Variants in FAAH2 observed in about 807,000 individuals in gnomAD.
The protein encoded by FAAH2 is fatty-acid amide hydrolase 2.
In FAAH2, 60 loss-of-function variants were observed where a neutral mutation model predicts 36.9. The observed-to-expected ratio is 1.63, with a 90% confidence interval of 1.32 to 2.02. FAAH2 has a LOEUF of 2.02. FAAH2 is among the 30% of genes most tolerant of loss of function. FAAH2 has a pLI of 0.00. For synonymous variants in FAAH2, 214 were observed against 143.8 expected (o/e 1.49, Z -3.49); for missense variants, 689 against 397.5 (o/e 1.73, Z -6.23).
the FAAH2 span, chrX:57,134,723 C>T: frequency 2.7e-5 from 3 of 111,798 alleles, no homozygotes; most frequent in Non-Finnish European, 3.8e-5. Context: ...CTAACCCATC[C>T]TCTACCAAGA....
the FAAH2 span, among the ~76,000 whole-genome samples, chrX:57,257,265 C>G: frequency 1.8e-5 from 2 of 111,908 alleles, no homozygotes; most frequent in Admixed American, 1.9e-4. Flanking sequence ...TGGTACTATT[C>G]AGAAGAGCAA....
chrX:57,423,082 G>A (rs1008351714), intron 7 of FAAH2, among the ~76,000 whole-genome samples: 4 of 111,639 alleles, frequency 3.6e-5, no homozygotes, highest in Non-Finnish European at 5.6e-5. Context: ...CCAAGCACAG[G>A]ATCTGACTTG....
At chrX:57,308,633 A>G (rs920882980) in intron 2 of FAAH2, among the ~76,000 whole-genome samples, 9 of 111,925 alleles carry the variant, frequency 8.0e-5, no homozygotes, top group Admixed American at 7.6e-4. Flanking sequence ...CAATATTTAA[A>G]GTACTGCCCA....
At chrX:57,189,574 G>A in the FAAH2 span, among the ~76,000 whole-genome samples, 1 of 110,281 alleles carries the variant, frequency 9.1e-6, no homozygotes. Context: ...GTTTCTGTGT[G>A]GGGGTCCTTT....
chrX:57,195,902 G>A, the FAAH2 span, among the ~76,000 whole-genome samples: 1 of 112,205 alleles, frequency 8.9e-6, no homozygotes, highest in African/African-American at 3.2e-5. Flanking sequence ...TTGAAGATCA[G>A]TTGGCTGTAA....
chrX:57,158,902 G>A, the FAAH2 span, among the ~76,000 whole-genome samples: 19 of 112,128 alleles, frequency 1.7e-4, no homozygotes, highest in African/African-American at 5.5e-4. Context: ...TGGCGTTTTA[G>A]ACATGAAGTC....
intron 7 of FAAH2, among the ~76,000 whole-genome samples, chrX:57,382,379 A>G (rs2080087890): frequency 9.0e-6 from 1 of 111,644 alleles, no homozygotes; most frequent in Non-Finnish European, 1.9e-5. Flanking sequence ...AAATCAATGA[A>G]TCCAGATGCT....
chrX:57,220,674 C>T, the FAAH2 span, among the ~76,000 whole-genome samples: 716 of 112,296 alleles, frequency 6.4e-3, 5 homozygotes, highest in African/African-American at 0.022. Flanking sequence ...GCCGCAGCTC[C>T]ACACAGAAGC....
chrX:57,359,319 G>A (rs1339970986), intron 5 of FAAH2, among the ~76,000 whole-genome samples: 4 of 110,891 alleles, frequency 3.6e-5, no homozygotes, highest in Non-Finnish European at 7.6e-5. Flanking sequence ...CATATGTTTA[G>A]GTATGTTGTA....
the FAAH2 span, among the ~76,000 whole-genome samples, chrX:57,257,969 T>A: frequency 1.1e-3 from 122 of 111,794 alleles, no homozygotes; most frequent in Non-Finnish European, 2.0e-3. Context: ...TAGAAAAAAA[T>A]TAAACCTCAA....
At chrX:57,475,558 G>C (rs776590515) in intron 10 of FAAH2, among the ~76,000 whole-genome samples, 1 of 111,523 alleles carries the variant, frequency 9.0e-6, no homozygotes, top group African/African-American at 3.3e-5. Context: ...CTATATATCT[G>C]TTTTGATACC....
At chrX:57,384,762 T>A (rs888147188) in intron 7 of FAAH2, among the ~76,000 whole-genome samples, 1 of 111,793 alleles carries the variant, frequency 8.9e-6, no homozygotes, top group African/African-American at 3.3e-5. Flanking sequence ...TGGAAGTTAG[T>A]GTGGGGATTC....
chrX:57,488,875 T>C lies in FAAH2; in HGVS notation c.1542T>C (p.Ala514=). ...CCTTTAATGATCATCTGACCCTGGCTGTGGCCCAGTACTTGGAGAAAACTT... is the reference window on the plus strand; with the variant it reads ...CCTTTAATGATCATCTGACCCTGGCCGTGGCCCAGTACTTGGAGAAAACTT... ...AGPFNDHLTL[A]VAQYLEKTFG... The change falls in exon 11 of 11, where the codon GCT becomes GCC. Residue 514 remains alanine (A), a synonymous_variant. Transcript: ENST00000374900. 8.3e-7 allele frequency: 1 copy of C among 1,210,991 alleles called. No individual in the cohort carries two copies. Among genetic ancestry groups the C allele is most frequent in the East Asian group, 3.0e-5 (1 of 33,760 alleles).
At chrX:57,436,650 G>A (rs1402916951) in intron 8 of FAAH2, among the ~76,000 whole-genome samples, 1 of 110,893 alleles carries the variant, frequency 9.0e-6, no homozygotes, top group Non-Finnish European at 1.9e-5. Context: ...AGAAAACCTA[G>A]AGGAAATAAA....
the FAAH2 span, among the ~76,000 whole-genome samples, chrX:57,208,951 G>C: frequency 8.9e-6 from 1 of 111,882 alleles, no homozygotes. Flanking sequence ...TTCAGCGTGG[G>C]TGTCATGGCC....
intron 5 of FAAH2, among the ~76,000 whole-genome samples, chrX:57,344,354 T>G (rs1220397892): frequency 9.0e-6 from 1 of 111,060 alleles, no homozygotes; most frequent in Admixed American, 9.6e-5. Context: ...GATATTGTAG[T>G]TTTGGTGTGG....
chrX:57,460,245 C>T (rs895077146), intron 10 of FAAH2, among the ~76,000 whole-genome samples: 3 of 111,344 alleles, frequency 2.7e-5, no homozygotes, highest in African/African-American at 9.8e-5. Flanking sequence ...CAGGATATTA[C>T]CCAGGAAAAC....
chrX:57,281,362 TTG>T, the FAAH2 span, among the ~76,000 whole-genome samples: 3 of 111,835 alleles, frequency 2.7e-5, no homozygotes, highest in Non-Finnish European at 3.8e-5. Context: ...TACTTACCTA[TTG>T]TGTTACACTT....
At chrX:57,190,416 C>T in the FAAH2 span, among the ~76,000 whole-genome samples, 5 of 98,878 alleles carry the variant, frequency 5.1e-5, no homozygotes, top group African/African-American at 1.9e-4. Context: ...AGTTTTGTCT[C>T]GCTTGGGTTC....
Sources: gnomAD v4.1 joint callset for allele counts (sites outside exome capture counted in the v4.1 genomes callset) on GRCh38, gnomAD v4.1.1 for gene constraint, MANE v1.5 for transcripts, NCBI Gene and HGNC (gene_info 2026-07-23, HGNC 2026-07-21) for gene names.